Variants in PARVB observed in about 807,000 individuals in gnomAD.
PARVB encodes the protein parvin beta.
PARVB carries 46 observed loss-of-function variants against 47.0 expected under a neutral mutation model. The observed-to-expected ratio is 0.98, with a 90% CI of 0.77 to 1.25. The LOEUF (loss-of-function observed/expected upper bound fraction) is 1.25, where lower values mean the gene tolerates loss of function less well. PARVB is among the 50% of genes most tolerant of loss of function. PARVB has a pLI of 0.00. For missense variants in PARVB, 473 were observed against 471.6 expected, an observed-to-expected ratio of 1.00 and a Z score of -0.03; for synonymous variants, 196 against 196.3, an observed-to-expected ratio of 1.00 and a Z score of 0.01.
At chr22:44,018,864 G>T (rs2050613383) in intron 2 of PARVB, among the ~76,000 whole-genome samples, 1 of 152,050 alleles carries the variant, frequency 6.6e-6, no homozygotes. Context: ...CCCCCATCTT[G>T]GTCCATTTGC....
At chr22:44,073,658 T>C (rs2051703387) in intron 1 of PARVB, among the ~76,000 whole-genome samples, 1 of 152,226 alleles carries the variant, frequency 6.6e-6, no homozygotes, top group Non-Finnish European at 1.5e-5. Context: ...TGGGGCCCGC[T>C]TGCCCCCCTT....
intron 4 of PARVB, among the ~76,000 whole-genome samples, chr22:44,129,707 G>A (rs2053268441): frequency 6.6e-6 from 1 of 152,260 alleles, no homozygotes; most frequent in African/African-American, 2.4e-5. Flanking sequence ...CAGATGGAGG[G>A]AAATCAGATG....
At chr22:44,031,454 T>G (rs1173141802) in intron 1 of PARVB, 1 of 152,346 alleles carries the variant, frequency 6.6e-6, no homozygotes. Flanking sequence ...TGTTTTGTTT[T>G]GTTTTCTTGA....
At chr22:44,098,775 G>A (rs1057294747) in intron 2 of PARVB, among the ~76,000 whole-genome samples, 9 of 152,172 alleles carry the variant, frequency 5.9e-5, no homozygotes, top group African/African-American at 2.2e-4. Flanking sequence ...ATCCGTGTCA[G>A]CAGCAAAGTT....
At position 44,068,419 on chromosome 22, in the gene PARVB, G is replaced by A. The variant is rs2051581650; in HGVS notation, c.113-25509G>A. Among the ~76,000 whole-genome samples the A allele has an allele frequency of 6.6e-6, 1 of 152,168 alleles. No individual in the cohort carries two copies. The highest frequency in any genetic ancestry group is 1.5e-5 in the Non-Finnish European group (1 of 68,026). On this transcript the variant is annotated intron_variant, in intron 1 of 12. Transcript: ENST00000338758. The surrounding 1 kb of genome is among the most constrained non-coding windows in gnomAD (Gnocchi z 4.1). ...CCGAGGAAAGGGGGAGCAAGTTGCC[G>A]GCCAAGGTAGGTATCATGCGAGTCC...
chr22:44,080,098 C>T (rs1259966312), intron 1 of PARVB, among the ~76,000 whole-genome samples: 2 of 152,208 alleles, frequency 1.3e-5, no homozygotes, highest in Non-Finnish European at 2.9e-5. Flanking sequence ...GTGAACAAAG[C>T]CATGTCAGTT....
rs1010837782 is a variant in PARVB, at chr22:44,120,777, G to A, written c.376+1637G>A. ...TGCACCCTCAAACTCCTGGGCTCCA[G>A]TGATCCTCACACCTTGGCCTCTAGA... On this transcript the variant is annotated intron_variant, in intron 4 of 12. Coordinates refer to ENST00000338758, the MANE Select transcript of PARVB (RefSeq NM_013327.5). Among the ~76,000 whole-genome samples, 3 of 152,102 alleles carry A rather than the reference G, an allele frequency of 2.0e-5. No individual in the cohort carries two copies. The East Asian group carries it at 5.8e-4, about 29-fold the overall frequency.
intron 1 of PARVB, among the ~76,000 whole-genome samples, chr22:44,062,992 C>T (rs2051448361): frequency 6.6e-6 from 1 of 152,154 alleles, no homozygotes; most frequent in South Asian, 2.1e-4. Context: ...CTAATTGTGT[C>T]TGGGTCTTTC....
Position 44,157,659 on chromosome 22 carries a change from A to G in PARVB, c.844-323A>G, listed in dbSNP as rs557271513. Among the ~76,000 whole-genome samples the G allele has an allele frequency of 7.2e-5, 11 of 152,278 alleles. No individual in the cohort carries two copies. The East Asian group carries it at 1.7e-3, about 24-fold the overall frequency. ...TTTGGGAGGCTGAGGCAAGTAGATC[A>G]CTTGAGCCCAGGAATTTGAGACCAG... is the stretch of plus-strand genomic sequence containing the variant. On this transcript the variant is annotated intron_variant, in intron 10 of 12. Transcript: ENST00000338758.
chr22:44,098,606 G>A (rs1336980283), intron 2 of PARVB, among the ~76,000 whole-genome samples: 1 of 152,086 alleles, frequency 6.6e-6, no homozygotes, highest in Non-Finnish European at 1.5e-5. Context: ...AGCAGGAGTG[G>A]GAGGCTGCGG....
At position 44,168,771 on chromosome 22, in the gene PARVB, G is replaced by A; in HGVS notation, c.*93G>A. The A allele has an allele frequency of 1.2e-6, 1 of 845,938 alleles. No individual in the cohort carries two copies. The highest frequency in any genetic ancestry group is 1.4e-5 in the South Asian group (1 of 71,280). 52.4% of individuals were successfully genotyped at this position (845,938 alleles called of 1,614,324 possible). On this transcript the variant is annotated 3_prime_UTR_variant, in exon 13 of 13. Transcript: ENST00000338758. ...CTTTCCAGGGAGCCAGGCGCCATGG[G>A]CTTCTGGTCCAAGCTGTGTTGACTG... is the stretch of plus-strand genomic sequence containing the variant.
chr22:44,169,746 A>AC lies in PARVB; in HGVS notation c.*1070dup, dbSNP rs1271344512. 1 of 150,008 alleles carries AC rather than the reference A, an allele frequency of 6.7e-6. No homozygotes were observed. The highest frequency in any genetic ancestry group is 1.5e-5 in the Non-Finnish European group (1 of 68,084). 9.3% of individuals were successfully genotyped at this position (150,008 alleles called of 1,614,324 possible). A position where few individuals can be genotyped will look rare whatever the true frequency, so the allele number is the denominator to read the frequency against. The stretch of plus-strand genomic sequence containing the variant: ...TTTTGAGACAGAGTCTCGCTCTGTC[A>AC]CCAGGCTGGAGTGCAGTGGTGTGAT... On this transcript the variant is annotated 3_prime_UTR_variant, in exon 13 of 13. Coordinates refer to ENST00000338758, the MANE Select transcript of PARVB (RefSeq NM_013327.5).
chr22:44,010,647 C>G (rs1427049652), intron 2 of PARVB: 4 of 152,176 alleles, frequency 2.6e-5, no homozygotes, highest in African/African-American at 9.7e-5. Context: ...GTGGTACCAT[C>G]AGCATCACCA....
intron 2 of PARVB, 21 bp from the exon 3 acceptor site, chr22:44,100,032 A>T: frequency 6.2e-7 from 1 of 1,610,310 alleles, no homozygotes. Flanking sequence ...GCTGACCGTG[A>T]CTTCCTTTTG....
intron 2 of PARVB, among the ~76,000 whole-genome samples, chr22:44,003,173 G>T (rs549454348): frequency 6.6e-6 from 1 of 152,254 alleles, no homozygotes; most frequent in Admixed American, 6.5e-5. Flanking sequence ...GACTTCGCAG[G>T]GTTGAGATAA....
At chr22:44,061,388 G>A (rs528655737) in intron 1 of PARVB, among the ~76,000 whole-genome samples, 3 of 150,720 alleles carry the variant, frequency 2.0e-5, no homozygotes, top group Non-Finnish European at 4.4e-5. Flanking sequence ...CCGAAGTCAC[G>A]TCACTGTACT....
chr22:44,081,987 G>T (rs898055821), intron 1 of PARVB, among the ~76,000 whole-genome samples: 3 of 152,224 alleles, frequency 2.0e-5, no homozygotes, highest in African/African-American at 7.2e-5. Context: ...AATCACAGAG[G>T]CAGAGGCTTG....
intron 2 of PARVB, chr22:44,009,485 G>A (rs954593324): frequency 6.6e-6 from 1 of 152,052 alleles, no homozygotes; most frequent in African/African-American, 2.4e-5. Flanking sequence ...AGATACAAAG[G>A]CAGAGTTCAA....
In PARVB at chr22:44,155,300, C is replaced by T. The variant is rs13055008; in HGVS notation, c.844-2682C>T. On this transcript the variant is annotated intron_variant, in intron 10 of 12. Coordinates refer to ENST00000338758, the MANE Select transcript of PARVB (RefSeq NM_013327.5). The surrounding 1 kb of genome is among the most constrained non-coding windows in gnomAD (Gnocchi z 4.8). ...GGGGTTAGCACTGCGGATGAGGAGG[C>T]GGTGGTGGGGCCTCTGGGCCTCCGT... is the stretch of plus-strand genomic sequence containing the variant. Among the ~76,000 whole-genome samples the T allele has an allele frequency of 2.2e-4, 33 of 151,944 alleles. No individual in the cohort carries two copies. Among genetic ancestry groups the T allele is most frequent in the African/African-American group, 3.4e-4 (14 of 41,402 alleles).
Sources: allele counts gnomAD v4.1 joint callset (sites outside exome capture counted in the v4.1 genomes callset), GRCh38; gene constraint gnomAD v4.1.1; non-coding constraint Gnocchi (gnomAD v3.1); transcripts MANE v1.5; gene names NCBI Gene and HGNC (gene_info 2026-07-23, HGNC 2026-07-21).